PTPRT: variants seen among roughly 807,000 people sequenced by gnomAD.
PTPRT encodes protein tyrosine phosphatase receptor type T.
In PTPRT, 56 loss-of-function variants were observed where a neutral mutation model predicts 176.8. The ratio of observed to expected loss-of-function variants is 0.32; its 90% CI spans 0.26 to 0.40. The LOEUF is 0.40. Ranked by LOEUF, PTPRT falls within the 10% of genes least tolerant of loss-of-function variation. The pLI, the probability that PTPRT is intolerant of heterozygous loss-of-function variation, is 1.00. For missense variants in PTPRT, 1,540 were observed against 1,908.2 expected (o/e 0.81, Z 3.60); for synonymous variants, 783 against 739.0 (o/e 1.06, Z -0.96).
chr20:43,032,469 T>C (rs1419552348), intron 1 of PTPRT, among the ~76,000 whole-genome samples: 1 of 128,472 alleles, frequency 7.8e-6, no homozygotes, highest in East Asian at 2.0e-4. Context: ...CCAAATCTTT[T>C]CATTAAAAAA....
intron 12 of PTPRT, among the ~76,000 whole-genome samples, chr20:42,289,193 A>G (rs2057280045): frequency 6.6e-6 from 1 of 152,046 alleles, no homozygotes. Flanking sequence ...CCTACGAAAT[A>G]CTCTCCTGGG....
intron 1 of PTPRT, among the ~76,000 whole-genome samples, chr20:43,052,970 C>T (rs1332693656): frequency 6.6e-6 from 1 of 152,078 alleles, no homozygotes; most frequent in African/African-American, 2.4e-5. Context: ...AAACAAAACA[C>T]TGTACCTGAA....
chr20:42,441,092 G>C (rs2059312125), intron 9 of PTPRT, among the ~76,000 whole-genome samples: 1 of 152,218 alleles, frequency 6.6e-6, no homozygotes, highest in Non-Finnish European at 1.5e-5. Flanking sequence ...CAGCCAAGTT[G>C]ACACATAAAA....
chr20:42,812,314 C>A (rs2077709826), intron 2 of PTPRT, among the ~76,000 whole-genome samples: 1 of 152,162 alleles, frequency 6.6e-6, no homozygotes, highest in East Asian at 1.9e-4. Flanking sequence ...TATTTTGGAA[C>A]CATCACCATT....
At chr20:42,300,779 A>T (rs939889916) in intron 12 of PTPRT, among the ~76,000 whole-genome samples, 1 of 144,768 alleles carries the variant, frequency 6.9e-6, no homozygotes, top group Non-Finnish European at 1.5e-5. Context: ...TATTATTATT[A>T]TTTATTATTA....
intron 1 of PTPRT, among the ~76,000 whole-genome samples, chr20:42,896,296 G>A (rs569448078): frequency 9.9e-5 from 15 of 152,132 alleles, no homozygotes; most frequent in African/African-American, 3.6e-4. Context: ...AAAATTTGGA[G>A]CGCCCCTTGC....
chr20:42,641,512 G>A (rs2074749745), intron 7 of PTPRT, among the ~76,000 whole-genome samples: 1 of 152,104 alleles, frequency 6.6e-6, no homozygotes, highest in East Asian at 1.9e-4. Flanking sequence ...CTCTATCATA[G>A]GTCAGGCATC....
intron 7 of PTPRT, among the ~76,000 whole-genome samples, chr20:42,502,685 T>G (rs1274085093): frequency 3.9e-5 from 6 of 152,088 alleles, no homozygotes; most frequent in African/African-American, 1.4e-4. Context: ...AATTTACTCA[T>G]CAATTCTCCA....
chr20:43,128,322 A>C (rs953617317), intron 1 of PTPRT, among the ~76,000 whole-genome samples: 7 of 152,252 alleles, frequency 4.6e-5, no homozygotes, highest in African/African-American at 1.7e-4. Flanking sequence ...AAGATGAATA[A>C]ATGACCAATT....
intron 12 of PTPRT, among the ~76,000 whole-genome samples, chr20:42,292,893 T>C (rs1435481634): frequency 8.5e-5 from 13 of 152,146 alleles, no homozygotes. Context: ...TTTAAAGGGG[T>C]AACAGAAGCA....
At chr20:42,979,216 AAAAC>A (rs1391679607) in intron 1 of PTPRT, among the ~76,000 whole-genome samples, 3 of 152,190 alleles carry the variant, frequency 2.0e-5, no homozygotes, top group African/African-American at 7.2e-5. Context: ...AGTTGTAAGA[AAAAC>A]AACTCATTTT....
intron 6 of PTPRT, among the ~76,000 whole-genome samples, chr20:42,700,298 G>A (rs2146157243): frequency 6.6e-6 from 1 of 152,250 alleles, no homozygotes; most frequent in Non-Finnish European, 1.5e-5. Flanking sequence ...CTCCACAGCA[G>A]GCAGTCCTCT....
rs186175214 is a variant in PTPRT at position 42,516,296 on chromosome 20, T to A, written c.1154-43734A>T. ...AAAAAAAAGAATGAACACATCACCA[T>A]GATATGAGAACCATCTTAACCAGTG... On this transcript the variant is annotated intron_variant, in intron 7 of 30. Transcript: ENST00000373187. Among the ~76,000 whole-genome samples, 111 of 152,178 alleles carry A rather than the reference T, an allele frequency of 7.3e-4. 1 individual carries two copies. The highest frequency in any genetic ancestry group is 2.2e-3 in the Admixed American group (34 of 15,286).
chr20:43,107,687 T>G (rs146339670), intron 1 of PTPRT, among the ~76,000 whole-genome samples: 1 of 152,208 alleles, frequency 6.6e-6, no homozygotes, highest in Non-Finnish European at 1.5e-5. Flanking sequence ...GTTTACACAC[T>G]AGGGTAATCT....
intron 9 of PTPRT, among the ~76,000 whole-genome samples, chr20:42,441,596 G>A (rs1235212676): frequency 2.0e-5 from 3 of 152,224 alleles, no homozygotes; most frequent in Admixed American, 6.5e-5. Context: ...AACAGGTGAA[G>A]TGTGGAAGGG....
At chr20:42,850,561 C>G (rs1290936091) in intron 2 of PTPRT, among the ~76,000 whole-genome samples, 3 of 152,170 alleles carry the variant, frequency 2.0e-5, no homozygotes, top group Non-Finnish European at 4.4e-5. Context: ...ACAGGCGAGT[C>G]TTTTGGCATC....
intron 8 of PTPRT, among the ~76,000 whole-genome samples, chr20:42,460,433 A>G (rs902801513): frequency 1.3e-5 from 2 of 152,154 alleles, no homozygotes; most frequent in Non-Finnish European, 2.9e-5. Context: ...CCTCTCATGG[A>G]TAAAGCCTAT....
chr20:42,132,740 C>T lies in PTPRT; in HGVS notation c.2771-3910G>A, dbSNP rs566478989. 2.0e-5 allele frequency among the ~76,000 whole-genome samples: 3 copies of T among 152,324 alleles called. No individual in the cohort carries two copies. In the South Asian group the frequency reaches 6.2e-4, roughly 32 times the overall value. On this transcript the variant is annotated intron_variant, in intron 18 of 30. Coordinates refer to ENST00000373187, the MANE Select transcript of PTPRT (RefSeq NM_007050.6). ...GTGGGAATGCAAAATGGTACAGCCA[C>T]TTTGGAAGACAGTTTGACAGTTTCT...
chr20:43,019,035 G>GA (rs1472386713), intron 1 of PTPRT, among the ~76,000 whole-genome samples: 3 of 151,948 alleles, frequency 2.0e-5, no homozygotes, highest in African/African-American at 7.2e-5. Flanking sequence ...AACATTGTTT[G>GA]AAAAAAAGCA....
Sources: allele counts gnomAD v4.1 joint callset (sites outside exome capture counted in the v4.1 genomes callset), GRCh38; gene constraint gnomAD v4.1.1; transcripts MANE v1.5; gene names NCBI Gene and HGNC (gene_info 2026-07-23, HGNC 2026-07-21).